BMPR1B: variants seen among roughly 807,000 people sequenced by gnomAD.
BMPR1B encodes the protein bone morphogenetic protein receptor type-1B.
Under a neutral mutation model 59.1 loss-of-function variants are expected in BMPR1B, and 12 were observed. The observed-to-expected ratio is 0.20, with a 90% CI of 0.13 to 0.33. The LOEUF is 0.33. Among genes scored for constraint, BMPR1B ranks in the 10% least tolerant of loss-of-function variants. The pLI, the probability that BMPR1B is intolerant of heterozygous loss-of-function variation, is 1.00. For missense variants in BMPR1B, 550 were observed against 610.9 expected, an observed-to-expected ratio of 0.90 and a Z score of 1.05; for synonymous variants, 237 against 207.3, an observed-to-expected ratio of 1.14 and a Z score of -1.23.
intron 1 of BMPR1B, among the ~76,000 whole-genome samples, chr4:94,781,675 G>A (rs1393121326): frequency 2.0e-5 from 3 of 152,194 alleles, no homozygotes; most frequent in Non-Finnish European, 2.9e-5. Context: ...CTCCCAAAGT[G>A]CTGGGGTTAT....
At chr4:95,003,299 C>G (rs1166242778) in intron 3 of BMPR1B, among the ~76,000 whole-genome samples, 1 of 152,114 alleles carries the variant, frequency 6.6e-6, no homozygotes, top group Non-Finnish European at 1.5e-5. Flanking sequence ...TCGTTCTCCC[C>G]CTTTCTCACT....
At chr4:95,057,776 T>C (rs1486998719) in intron 3 of BMPR1B, among the ~76,000 whole-genome samples, 2 of 152,134 alleles carry the variant, frequency 1.3e-5, no homozygotes, top group African/African-American at 2.4e-5. Context: ...TCCAGGACTC[T>C]TTTGTTTGTA....
chr4:95,089,746 A>G (rs1460519467), intron 3 of BMPR1B, among the ~76,000 whole-genome samples: 1 of 152,122 alleles, frequency 6.6e-6, no homozygotes, highest in Non-Finnish European at 1.5e-5. Context: ...CCAGAATTCA[A>G]CAAGATTGTC....
At chr4:94,826,374 T>TTTTTAA (rs1724382811) in intron 1 of BMPR1B, among the ~76,000 whole-genome samples, 1 of 127,528 alleles carries the variant, frequency 7.8e-6, no homozygotes, top group African/African-American at 3.1e-5. Flanking sequence ...TCTTTCACCA[T>TTTTTAA]GTTTTAAAGC....
intron 10 of BMPR1B, among the ~76,000 whole-genome samples, chr4:95,140,715 A>AAT (rs1448070513): frequency 6.6e-6 from 1 of 152,150 alleles, no homozygotes; most frequent in Non-Finnish European, 1.5e-5. Flanking sequence ...CAGCTTAATT[A>AAT]ATATATTTCC....
intron 3 of BMPR1B, among the ~76,000 whole-genome samples, chr4:95,071,652 G>GTGTGTATA (rs59539011): frequency 8.3e-5 from 7 of 84,340 alleles, no homozygotes; most frequent in Non-Finnish European, 1.7e-4. Flanking sequence ...GTGTGTGTGT[G>GTGTGTATA]TATATATATA....
At chr4:94,762,590 C>T (rs959401244) in intron 1 of BMPR1B, among the ~76,000 whole-genome samples, 4 of 152,062 alleles carry the variant, frequency 2.6e-5, no homozygotes, top group Non-Finnish European at 2.9e-5. Flanking sequence ...AGAGAGGTGG[C>T]GAGGTTCGTA....
intron 1 of BMPR1B, among the ~76,000 whole-genome samples, chr4:94,838,114 T>G (rs1254649284): frequency 6.9e-6 from 1 of 144,232 alleles, no homozygotes; most frequent in Non-Finnish European, 1.5e-5. Context: ...GAAGCCCACT[T>G]AATCATGGTG....
chr4:94,888,676 G>A (rs1240727917), intron 2 of BMPR1B, among the ~76,000 whole-genome samples: 1 of 152,048 alleles, frequency 6.6e-6, no homozygotes, highest in Non-Finnish European at 1.5e-5. Flanking sequence ...CTGGGATTGA[G>A]GCAAAGGAAG....
chr4:94,791,005 T>C (rs1204046042), intron 1 of BMPR1B, among the ~76,000 whole-genome samples: 1 of 152,120 alleles, frequency 6.6e-6, no homozygotes, highest in Non-Finnish European at 1.5e-5. Flanking sequence ...TTTGTTTTTC[T>C]GAGATGGAGT....
chr4:95,069,043 AT>A (rs1299422673), intron 3 of BMPR1B, among the ~76,000 whole-genome samples: 2 of 152,216 alleles, frequency 1.3e-5, no homozygotes, highest in Non-Finnish European at 2.9e-5. Flanking sequence ...AGGAAATGAC[AT>A]TATTTTGCTG....
At chr4:95,057,927 A>C (rs556778099) in intron 3 of BMPR1B, among the ~76,000 whole-genome samples, 1 of 152,310 alleles carries the variant, frequency 6.6e-6, no homozygotes, top group East Asian at 1.9e-4. Flanking sequence ...ATGTATTTCT[A>C]TAGGTCCTAC....
intron 1 of BMPR1B, among the ~76,000 whole-genome samples, chr4:94,857,522 T>C (rs984207387): frequency 2.0e-5 from 3 of 152,214 alleles, no homozygotes; most frequent in African/African-American, 7.2e-5. Flanking sequence ...AAAATTTTAG[T>C]TTACAAAATT....
At chr4:94,973,260 G>C (rs973755423) in intron 2 of BMPR1B, among the ~76,000 whole-genome samples, 1 of 152,134 alleles carries the variant, frequency 6.6e-6, no homozygotes, top group Non-Finnish European at 1.5e-5. Context: ...CTCTGCCAGC[G>C]AGGGCAAAGG....
At position 94,941,099 on chromosome 4, in the gene BMPR1B, A is replaced by G. The variant is rs564134461; in HGVS notation, c.-112-54941A>G. Among the ~76,000 whole-genome samples, 7 of 152,312 alleles carry G rather than the reference A, an allele frequency of 4.6e-5. No individual in the cohort carries two copies. In the South Asian group the frequency reaches 1.5e-3, roughly 32 times the overall value. On this transcript the variant is annotated intron_variant, in intron 2 of 12. Transcript: ENST00000515059. ...CATGTGCCTTCTACAATTTAGTTGT[A>G]AAACGGGCCTCCTGGTCCTCCTTTA...
intron 2 of BMPR1B, among the ~76,000 whole-genome samples, chr4:94,941,011 A>G (rs1022123949): frequency 3.3e-5 from 5 of 152,206 alleles, no homozygotes; most frequent in Admixed American, 6.5e-5. Flanking sequence ...GGGAATTTCA[A>G]TGAGGAAGGA....
At chr4:95,004,700 T>A (rs764729159) in intron 3 of BMPR1B, among the ~76,000 whole-genome samples, 8 of 152,216 alleles carry the variant, frequency 5.3e-5, no homozygotes, top group Non-Finnish European at 1.2e-4. Flanking sequence ...AGTAAATTAA[T>A]GTATCATTAT....
chr4:95,086,615 A>G (rs139694705), intron 3 of BMPR1B, among the ~76,000 whole-genome samples: 5 of 152,332 alleles, frequency 3.3e-5, no homozygotes, highest in African/African-American at 1.2e-4. Flanking sequence ...AGAAGTGGCA[A>G]TGAGTTTGAT....
intron 3 of BMPR1B, among the ~76,000 whole-genome samples, chr4:95,056,390 T>A (rs1726931471): frequency 6.6e-6 from 1 of 152,222 alleles, no homozygotes; most frequent in Non-Finnish European, 1.5e-5. Context: ...CTATCTCTGT[T>A]ACATTCTTTT....
Sources: allele counts gnomAD v4.1 joint callset (sites outside exome capture counted in the v4.1 genomes callset), GRCh38; gene constraint gnomAD v4.1.1; transcripts MANE v1.5; gene names NCBI Gene and HGNC (gene_info 2026-07-23, HGNC 2026-07-21).